Variants in RARS1 observed in about 807,000 individuals in gnomAD.
RARS1 encodes arginine--tRNA ligase, cytoplasmic.
Under a neutral mutation model 78.7 loss-of-function variants are expected in RARS1, and 75 were observed. The observed-to-expected ratio is 0.95, with a 90% CI of 0.79 to 1.15. The LOEUF is 1.15. Ranked by LOEUF, RARS1 falls within the 50% of genes most tolerant of loss-of-function variation. The pLI, the probability that RARS1 is intolerant of heterozygous loss-of-function variation, is 0.00. For synonymous variants in RARS1, 273 were observed against 268.2 expected (o/e 1.02, Z -0.18); for missense variants, 787 against 787.5 (o/e 1.00, Z 0.01).
intron 3 of RARS1, among the ~76,000 whole-genome samples, chr5:168,493,620 C>T (rs865949614): frequency 5.0e-5 from 6 of 120,580 alleles, no homozygotes; most frequent in Middle Eastern, 0.011. Flanking sequence ...GGCAACAGAG[C>T]GAGACTCCAT....
intron 12 of RARS1, among the ~76,000 whole-genome samples, chr5:168,515,216 A>G (rs1758640256): frequency 6.6e-6 from 1 of 152,132 alleles, no homozygotes; most frequent in South Asian, 2.1e-4. Context: ...CAGATTTTAA[A>G]GTTGCTATTA....
chr5:168,489,812 CT>C (rs35560247), intron 2 of RARS1, among the ~76,000 whole-genome samples: 5,712 of 130,254 alleles, frequency 0.044, 155 homozygotes, highest in Admixed American at 0.16. Context: ...CTCATATTAT[CT>C]TTTTTTTTTT....
Position 168,518,056 on chromosome 5 carries a change from C to T in RARS1, c.1867C>T (p.Gln623Ter). Reference sequence around the variant, plus strand: ...CTGCTACTGTGTGGAGAAAGATAGACAGACTGGTGAGTGTCTTTTTTTTTT... The same window carrying T: ...CTGCTACTGTGTGGAGAAAGATAGATAGACTGGTGAGTGTCTTTTTTTTTT... ...DSCYCVEKDR[Q>*]TGKILKVNMW... The change falls in exon 14 of 15, where the codon CAG becomes TAG. Residue 623 changes from glutamine (Q) to a stop codon, truncating the protein, a stop_gained. Coordinates refer to ENST00000231572, the MANE Select transcript of RARS1 (RefSeq NM_002887.4). LOFTEE classifies it high-confidence loss of function. The T allele has an allele frequency of 2.3e-6, 2 of 870,352 alleles. No individual in the cohort carries two copies. The highest frequency in any genetic ancestry group is 3.2e-6 in the Non-Finnish European group (2 of 626,938). 53.9% of individuals were successfully genotyped at this position (870,352 alleles called of 1,614,324 possible). A position where few individuals can be genotyped will look rare whatever the true frequency, so the allele number is the denominator to read the frequency against.
chr5:168,518,068 TG>T lies in RARS1; in HGVS notation c.1873+7del. ...GGAGAAAGATAGACAGACTGGTGAG[TG>T]TCTTTTTTTTTTTTTTTTTTTTTTT... On this transcript the variant is annotated splice_region_variant and intron_variant, in intron 14 of 14. Coordinates refer to ENST00000231572, the MANE Select transcript of RARS1 (RefSeq NM_002887.4). The T allele has an allele frequency of 7.1e-7, 1 of 1,405,554 alleles. No individual in the cohort carries two copies. Among genetic ancestry groups the T allele is most frequent in the Non-Finnish European group, 9.2e-7 (1 of 1,083,544 alleles). The allele number at this position is 1,405,554 out of a possible 1,614,324, so 87.1% of individuals were successfully genotyped here.
intron 2 of RARS1, among the ~76,000 whole-genome samples, chr5:168,491,725 A>G (rs1758088749): frequency 1.3e-5 from 2 of 152,226 alleles, no homozygotes; most frequent in Admixed American, 1.3e-4. Context: ...TGTAGATGGA[A>G]TAAGATAATG....
rs13158178 is a variant in RARS1, at chr5:168,508,545, G to A, written c.1346+1714G>A. ...TGAGGCAGGAGAATGGTGTAAACCC[G>A]GGAGGCGGAGCTTGCAGTGAGCTGA... On this transcript the variant is annotated intron_variant, in intron 11 of 14. Coordinates refer to ENST00000231572, the MANE Select transcript of RARS1 (RefSeq NM_002887.4). Among the ~76,000 whole-genome samples, 1,306 of 150,128 alleles carry A rather than the reference G, an allele frequency of 8.7e-3. 10 individuals are homozygous for A. Among genetic ancestry groups the A allele is most frequent in the Non-Finnish European group, 0.011 (739 of 67,690 alleles).
intron 12 of RARS1, among the ~76,000 whole-genome samples, chr5:168,513,375 A>C (rs1467034188): frequency 6.6e-6 from 1 of 151,748 alleles, no homozygotes; most frequent in East Asian, 1.9e-4. Context: ...GCTGGAGTAC[A>C]GTGGCACAAT....
At chr5:168,497,378 T>C (rs1041380618) in intron 7 of RARS1, 30 bp downstream of exon 7, 1 of 1,467,090 alleles carries the variant, frequency 6.8e-7, no homozygotes, top group Non-Finnish European at 9.1e-7. Context: ...ATATTATGTG[T>C]GTGTTTACCA....
chr5:168,517,738 A>ATCACTTAGTACATAT, intron 13 of RARS1, 77 bp from the exon 14 acceptor site: 3 of 1,523,438 alleles, frequency 2.0e-6, no homozygotes, highest in Non-Finnish European at 2.6e-6. Context: ...ATCGGTGATA[A>ATCACTTAGTACATAT]TTTCGAGTGG....
At chr5:168,500,176 G>C (rs1466803529) in intron 7 of RARS1, among the ~76,000 whole-genome samples, 1 of 143,048 alleles carries the variant, frequency 7.0e-6, no homozygotes. Context: ...ACTCCAGCCT[G>C]GGAGACAGAG....
intron 11 of RARS1, 72 bp downstream of exon 11, chr5:168,506,903 AT>A: frequency 8.2e-7 from 1 of 1,218,238 alleles, no homozygotes; most frequent in Non-Finnish European, 1.2e-6. Flanking sequence ...TTGATACCAT[AT>A]TAGAATTAAG....
At position 168,518,060 on chromosome 5, in the gene RARS1, C is replaced by T. The variant is rs1469278699; in HGVS notation, c.1871C>T (p.Thr624Ile). ...TACTGTGTGGAGAAAGATAGACAGA[C>T]TGGTGAGTGTCTTTTTTTTTTTTTT... Reference protein sequence around the residue: ...SCYCVEKDRQTGKILKVNMWR... With the variant: ...SCYCVEKDRQIGKILKVNMWR... Residue 624 changes from threonine to isoleucine, a missense_variant and splice_region_variant, in exon 14 of 15, where the codon ACT becomes ATT. Thr to Ile is a moderately conservative substitution (Grantham distance 89, BLOSUM62 -1). Transcript: ENST00000231572. 1 of 813,382 alleles carries T rather than the reference C, an allele frequency of 1.2e-6. No individual in the cohort carries two copies. The highest frequency in any genetic ancestry group is 1.7e-6 in the Non-Finnish European group (1 of 598,718). 50.4% of individuals were successfully genotyped at this position (813,382 alleles called of 1,614,324 possible). A position where few individuals can be genotyped will look rare whatever the true frequency, so the allele number is the denominator to read the frequency against.
rs112301722 is a variant in RARS1 at position 168,497,522 on chromosome 5, CT to C, written c.822+184del. ...ATGACATTCTCTTGAACTTAAACTA[CT>C]TTTTTTTTTGTAATTTATAAAGACG... On this transcript the variant is annotated intron_variant, in intron 7 of 14. Coordinates refer to ENST00000231572, the MANE Select transcript of RARS1 (RefSeq NM_002887.4). Among the ~76,000 whole-genome samples the C allele has an allele frequency of 0.16, 23,365 of 149,778 alleles. 2,008 individuals are homozygous for C. Among genetic ancestry groups the C allele is most frequent in the Non-Finnish European group, 0.19 (13,049 of 67,298 alleles).
intron 7 of RARS1, among the ~76,000 whole-genome samples, chr5:168,498,523 T>C (rs1022270726): frequency 8.5e-5 from 13 of 152,370 alleles, no homozygotes; most frequent in African/African-American, 2.4e-4. Context: ...TATTTAATAT[T>C]GCAAACTTTT....
intron 11 of RARS1, among the ~76,000 whole-genome samples, chr5:168,507,683 G>C (rs746846867): frequency 8.5e-5 from 13 of 152,330 alleles, no homozygotes; most frequent in Admixed American, 5.9e-4. Context: ...CAAAGACCTT[G>C]TTGGGAACAA....
chr5:168,506,393 C>T (rs980879339), intron 10 of RARS1, among the ~76,000 whole-genome samples, 194 bp downstream of exon 10: 4 of 152,152 alleles, frequency 2.6e-5, no homozygotes, highest in Non-Finnish European at 4.4e-5. Context: ...TTCCAGCTTG[C>T]CTCCACAAAC....
intron 9 of RARS1, among the ~76,000 whole-genome samples, chr5:168,504,806 CAG>C (rs1196280765): frequency 2.0e-5 from 3 of 151,532 alleles, no homozygotes; most frequent in Non-Finnish European, 4.4e-5. Context: ...GCCTGGATGA[CAG>C]AGCGAGACTC....
rs1190932694 is a variant in RARS1, at chr5:168,506,193, T to C, written c.1230T>C (p.Asn410=). The change falls in exon 10 of 15, where the codon AAT becomes AAC. Residue 410 remains asparagine (N), a synonymous_variant. Transcript: ENST00000231572. The part of the protein sequence containing the change: ...KADMIIYVVD[N]GQSVHFQTIF... ...ATATGATTATCTATGTTGTGGACAA[T>C]GGACAAGTGAGTTTGTAAATTTGTA... 9.0e-6 allele frequency: 14 copies of C among 1,561,944 alleles called. No individual in the cohort carries two copies. Among genetic ancestry groups the C allele is most frequent in the Non-Finnish European group, 1.0e-5 (12 of 1,151,976 alleles).
intron 9 of RARS1, among the ~76,000 whole-genome samples, chr5:168,502,879 A>G (rs1024628061): frequency 1.3e-5 from 2 of 152,150 alleles, no homozygotes; most frequent in African/African-American, 2.4e-5. Flanking sequence ...CAAAGTATGC[A>G]TATAACATTT....
Sources: allele counts gnomAD v4.1 joint callset (sites outside exome capture counted in the v4.1 genomes callset), GRCh38; gene constraint gnomAD v4.1.1; transcripts MANE v1.5; gene names NCBI Gene and HGNC (gene_info 2026-07-23, HGNC 2026-07-21).